Variants in MAML3 observed in about 807,000 individuals in gnomAD.
MAML3 encodes mastermind like transcriptional coactivator 3.
In MAML3, 27 loss-of-function variants were observed where a neutral mutation model predicts 101.9. The ratio of observed to expected loss-of-function variants is 0.27; its 90% CI spans 0.20 to 0.37. MAML3 has a LOEUF of 0.37. Ranked by LOEUF, MAML3 falls within the 10% of genes least tolerant of loss-of-function variation. The probability of loss-of-function intolerance (pLI) is 1.00; values close to 1 mark genes in which losing one functional copy is unlikely to be tolerated. For synonymous variants in MAML3, 501 were observed against 555.9 expected (o/e 0.90, Z 1.39); for missense variants, 1,316 against 1,444.9 (o/e 0.91, Z 1.45).
rs372496848 is a variant in MAML3 at position 139,889,485 on chromosome 4, G to A, written c.1951C>T (p.Pro651Ser). 4 of 940,916 alleles carry A rather than the reference G, an allele frequency of 4.3e-6. No homozygotes were observed. 58.3% of individuals were successfully genotyped at this position (940,916 alleles called of 1,614,324 possible). The stretch of plus-strand genomic sequence containing the variant: ...GGGGCCTGGAGCTGTGGAGGTGGCG[G>A]CTGCTGCTGCTGCTGCTGCTGCTGT... ...QQQQQQQQQQPPPPQLQAPRA... is the reference protein window; with the variant it reads ...QQQQQQQQQQSPPPQLQAPRA... Residue 651 changes from proline to serine, a missense_variant, in exon 2 of 5, where the codon CCG becomes TCG. Coordinates refer to ENST00000509479, the MANE Select transcript of MAML3 (RefSeq NM_018717.5).
intron 1 of MAML3, among the ~76,000 whole-genome samples, chr4:139,953,606 G>A (rs809955): frequency 0.38 from 57,579 of 152,054 alleles, 11,468 homozygotes; most frequent in African/African-American, 0.49. Context: ...GTGATAGAGC[G>A]AGACTCCGTC....
intron 1 of MAML3, among the ~76,000 whole-genome samples, chr4:140,092,048 T>C (rs563451458): frequency 2.8e-5 from 4 of 143,104 alleles, no homozygotes; most frequent in Non-Finnish European, 6.2e-5. Flanking sequence ...TAGATCATTT[T>C]TGAGATAAAA....
intron 1 of MAML3, among the ~76,000 whole-genome samples, chr4:139,961,977 A>C (rs562773697): frequency 1.3e-5 from 2 of 152,122 alleles, no homozygotes; most frequent in Non-Finnish European, 2.9e-5. Flanking sequence ...TTAGGTGGGC[A>C]TGGTGGCATG....
At chr4:139,994,096 C>T (rs554440571) in intron 1 of MAML3, among the ~76,000 whole-genome samples, 1 of 152,138 alleles carries the variant, frequency 6.6e-6, no homozygotes, top group Middle Eastern at 3.2e-3. Flanking sequence ...CAATAGTTTT[C>T]TCCATTGTAT....
At chr4:140,095,498 T>A in intron 1 of MAML3, among the ~76,000 whole-genome samples, 1 of 152,124 alleles carries the variant, frequency 6.6e-6, no homozygotes, top group East Asian at 1.9e-4. Context: ...CTCTGCAAGC[T>A]TTCTAAATTT....
intron 1 of MAML3, among the ~76,000 whole-genome samples, chr4:139,948,939 C>T (rs1436779294): frequency 1.3e-5 from 2 of 152,204 alleles, no homozygotes; most frequent in African/African-American, 2.4e-5. Context: ...CAGGGGTAAG[C>T]TCTTCCCTAT....
At chr4:140,005,422 C>T (rs902503666) in intron 1 of MAML3, among the ~76,000 whole-genome samples, 3 of 152,216 alleles carry the variant, frequency 2.0e-5, no homozygotes, top group Non-Finnish European at 2.9e-5. Flanking sequence ...GAAACATGAT[C>T]ACCACAGGAC....
chr4:139,862,908 G>A (rs762117694), intron 2 of MAML3, among the ~76,000 whole-genome samples: 2 of 152,060 alleles, frequency 1.3e-5, no homozygotes, highest in Non-Finnish European at 2.9e-5. Context: ...AAAATACATC[G>A]AGTTTCACTT....
intron 1 of MAML3, among the ~76,000 whole-genome samples, chr4:140,080,437 G>A (rs953608905): frequency 6.6e-6 from 1 of 152,212 alleles, no homozygotes; most frequent in African/African-American, 2.4e-5. Flanking sequence ...AAATTTAAAA[G>A]TGCATGGTGA....
At chr4:139,730,146 T>G in intron 3 of MAML3, 1 of 523,778 alleles carries the variant, frequency 1.9e-6, no homozygotes, top group Non-Finnish European at 3.4e-6. Context: ...AGGAAAGGAG[T>G]CAGACTTGAA....
chr4:140,035,362 A>G (rs538907969), intron 1 of MAML3, among the ~76,000 whole-genome samples: 14 of 152,176 alleles, frequency 9.2e-5, no homozygotes, highest in Non-Finnish European at 1.8e-4. Flanking sequence ...TCCAAATCAG[A>G]TATCTGAACA....
chr4:139,908,461 T>A (rs1056525469), intron 1 of MAML3, among the ~76,000 whole-genome samples: 1 of 152,146 alleles, frequency 6.6e-6, no homozygotes, highest in Non-Finnish European at 1.5e-5. Flanking sequence ...ATAATAAAGG[T>A]TATAAGGGGA....
rs545412499 is a variant in MAML3, at chr4:140,099,266, C to A, written c.468+53594G>T. Among the ~76,000 whole-genome samples the A allele has an allele frequency of 2.0e-4, 31 of 152,036 alleles. 1 individual carries two copies. The South Asian group carries it at 6.4e-3, about 32-fold the overall frequency. On this transcript the variant is annotated intron_variant, in intron 1 of 4. Coordinates refer to ENST00000509479, the MANE Select transcript of MAML3 (RefSeq NM_018717.5). Reference sequence around the variant, plus strand: ...ACACACACACACACACACACGTGCACACAAACAACTCAGGAGCAAAACTTT... The same window carrying A: ...ACACACACACACACACACACGTGCAAACAAACAACTCAGGAGCAAAACTTT...
chr4:139,998,051 T>C (rs1734851221), intron 1 of MAML3, among the ~76,000 whole-genome samples: 1 of 152,276 alleles, frequency 6.6e-6, no homozygotes, highest in African/African-American at 2.4e-5. Context: ...TTAAGGAATT[T>C]GGGGAGTGTT....
At chr4:139,772,526 A>G (rs899459139) in intron 2 of MAML3, among the ~76,000 whole-genome samples, 2 of 151,502 alleles carry the variant, frequency 1.3e-5, no homozygotes, top group African/African-American at 4.8e-5. Context: ...TATTTTCAGT[A>G]GAGACACAGT....
chr4:139,913,351 T>C (rs746549337), intron 1 of MAML3, among the ~76,000 whole-genome samples: 2 of 152,250 alleles, frequency 1.3e-5, no homozygotes, highest in Admixed American at 6.5e-5. Flanking sequence ...ATCCTAAGTA[T>C]GGCTCTTACT....
At chr4:140,115,005 C>T (rs1728493642) in intron 1 of MAML3, among the ~76,000 whole-genome samples, 1 of 152,114 alleles carries the variant, frequency 6.6e-6, no homozygotes, top group Non-Finnish European at 1.5e-5. Context: ...ACAAATTGCC[C>T]TATTTAAATA....
chr4:139,783,377 A>G (rs1190675452), intron 2 of MAML3, among the ~76,000 whole-genome samples: 1 of 152,196 alleles, frequency 6.6e-6, no homozygotes, highest in Non-Finnish European at 1.5e-5. Context: ...AGTGGTGTCT[A>G]CACATCATTC....
chr4:140,022,229 T>C (rs768637925), intron 1 of MAML3, among the ~76,000 whole-genome samples: 17 of 152,234 alleles, frequency 1.1e-4, no homozygotes, highest in Non-Finnish European at 1.3e-4. Context: ...TGTAAATGTA[T>C]ACTTTTAAAA....
Sources: allele counts gnomAD v4.1 joint callset (sites outside exome capture counted in the v4.1 genomes callset), GRCh38; gene constraint gnomAD v4.1.1; transcripts MANE v1.5; gene names NCBI Gene and HGNC (gene_info 2026-07-23, HGNC 2026-07-21).